The following KANSL2 variants were observed in gnomAD, a reference collection of about 807,000 sequenced individuals.
The protein encoded by KANSL2 is NSL complex protein NSL2.
In KANSL2, 34 loss-of-function variants were observed where a neutral mutation model predicts 55.6. That is an observed-to-expected ratio of 0.61 (90% CI 0.46 to 0.81). The LOEUF (loss-of-function observed/expected upper bound fraction) is 0.81, where lower values mean the gene tolerates loss of function less well. Among genes scored for constraint, KANSL2 ranks in the 40% least tolerant of loss-of-function variants. The probability of loss-of-function intolerance (pLI) is 0.00; values close to 1 mark genes in which losing one functional copy is unlikely to be tolerated. For synonymous variants in KANSL2, 209 were observed against 214.3 expected (o/e 0.98, Z 0.22); for missense variants, 502 against 609.9 (o/e 0.82, Z 1.86).
chr12:48,669,593 C>T (rs1373097038), intron 5 of KANSL2, among the ~76,000 whole-genome samples: 1 of 151,858 alleles, frequency 6.6e-6, no homozygotes, highest in East Asian at 1.9e-4. Context: ...TCTTGGCTCA[C>T]TGCAAGCTCC....
At chr12:48,665,859 T>C (rs1057373725) in intron 7 of KANSL2, among the ~76,000 whole-genome samples, 1 of 152,254 alleles carries the variant, frequency 6.6e-6, no homozygotes, top group South Asian at 2.1e-4. Context: ...AACTTCTAAT[T>C]TGAATGATGT....
At chr12:48,681,037 C>A (rs1195652371) in intron 2 of KANSL2, among the ~76,000 whole-genome samples, 1 of 149,354 alleles carries the variant, frequency 6.7e-6, no homozygotes, top group Non-Finnish European at 1.5e-5. Flanking sequence ...TCCCAGCACT[C>A]TGGGAGGCCG....
intron 4 of KANSL2, among the ~76,000 whole-genome samples, chr12:48,673,983 A>AT (rs1192561029): frequency 1.3e-5 from 2 of 152,098 alleles, no homozygotes; most frequent in African/African-American, 4.8e-5. Flanking sequence ...AAATAAGTGA[A>AT]TAACTTTGAA....
At chr12:48,672,241 T>G (rs762560798) in intron 4 of KANSL2, among the ~76,000 whole-genome samples, 50 of 151,926 alleles carry the variant, frequency 3.3e-4, no homozygotes, top group Non-Finnish European at 5.7e-4. Context: ...AAAGTGAACA[T>G]GCGGAACACT....
At chr12:48,657,701 C>T (rs1284776823) in intron 8 of KANSL2, among the ~76,000 whole-genome samples, 1 of 152,102 alleles carries the variant, frequency 6.6e-6, no homozygotes, top group Non-Finnish European at 1.5e-5. Context: ...ACTGCAACCT[C>T]CACCTCCTGG....
At chr12:48,674,874 C>G (rs931259844) in intron 4 of KANSL2, among the ~76,000 whole-genome samples, 1 of 151,268 alleles carries the variant, frequency 6.6e-6, no homozygotes, top group Non-Finnish European at 1.5e-5. Flanking sequence ...TACAGTGAGC[C>G]GAGATCGCAC....
At chr12:48,656,902 CTA>C (rs1939394856) in intron 8 of KANSL2, 2 of 339,730 alleles carry the variant, frequency 5.9e-6, no homozygotes, top group East Asian at 7.8e-5. Flanking sequence ...TTGTACCCCC[CTA>C]TGTTTAATCC....
intron 7 of KANSL2, among the ~76,000 whole-genome samples, chr12:48,663,986 C>T (rs909214317): frequency 1.5e-5 from 2 of 137,494 alleles, no homozygotes; most frequent in African/African-American, 2.7e-5. Flanking sequence ...GGCACGATAT[C>T]GGCTCACCGC....
rs773308487 is a variant in KANSL2, at chr12:48,655,064, GA to G, written c.1228-5del. On this transcript the variant is annotated splice_region_variant and splice_polypyrimidine_tract_variant and intron_variant, in intron 8 of 9. Transcript: ENST00000420613. ...CATCACCCACAACATCCAAGTCCTA[GA>G]AAAAAGAGAAAAGCCCATCAGCAAT... 5.1e-6 allele frequency: 8 copies of G among 1,562,628 alleles called. No homozygotes were observed. The South Asian group carries it at 7.1e-5, about 14-fold the overall frequency.
chr12:48,667,145 T>C (rs559732235), intron 7 of KANSL2, among the ~76,000 whole-genome samples: 7 of 147,258 alleles, frequency 4.8e-5, no homozygotes, highest in East Asian at 2.0e-4. Context: ...GATCACGCCA[T>C]TGCACTCCAG....
In KANSL2 at chr12:48,674,983, TAATAA is replaced by T. The variant is rs144872703; in HGVS notation, c.546-3026_546-3022del. Among the ~76,000 whole-genome samples the T allele has an allele frequency of 5.3e-3, 785 of 147,148 alleles. 3 individuals are homozygous for T. The highest frequency in any genetic ancestry group is 0.018 in the African/African-American group (724 of 40,466). Reference sequence around the variant, plus strand: ...TAAATAAATAAATAAAAATAATATATAATAAAATAAAATTAATAAAAAATAAATTT... The same window carrying T: ...TAAATAAATAAATAAAAATAATATATAATAAAATTAATAAAAAATAAATTT... On this transcript the variant is annotated intron_variant, in intron 4 of 9. Coordinates refer to ENST00000420613, the MANE Select transcript of KANSL2 (RefSeq NM_017822.4).
At chr12:48,669,571 G>A (rs978494451) in intron 5 of KANSL2, among the ~76,000 whole-genome samples, 2 of 151,122 alleles carry the variant, frequency 1.3e-5, no homozygotes, top group African/African-American at 2.4e-5. Flanking sequence ...AGGCTGGAGT[G>A]CAGTGGCGCA....
At chr12:48,659,125 C>A (rs2137177889) in intron 8 of KANSL2, among the ~76,000 whole-genome samples, 1 of 151,974 alleles carries the variant, frequency 6.6e-6, no homozygotes, top group Non-Finnish European at 1.5e-5. Flanking sequence ...GAAACCCTGT[C>A]TCTACAAAAA....
intron 4 of KANSL2, among the ~76,000 whole-genome samples, chr12:48,672,424 TATATA>T (rs1565608406): frequency 1.8e-5 from 2 of 112,460 alleles, no homozygotes; most frequent in African/African-American, 7.4e-5. Flanking sequence ...TATATATATA[TATATA>T]TATATTTTTT....
intron 2 of KANSL2, among the ~76,000 whole-genome samples, chr12:48,680,606 A>T (rs1310793318): frequency 1.3e-5 from 2 of 152,218 alleles, no homozygotes; most frequent in Non-Finnish European, 2.9e-5. Context: ...ACAGAAGAAT[A>T]CACACATATA....
chr12:48,667,909 T>C (rs947622185), intron 6 of KANSL2, 120 bp from the exon 7 acceptor site: 2 of 718,180 alleles, frequency 2.8e-6, no homozygotes, highest in East Asian at 2.7e-5. Flanking sequence ...TTAACAAAAA[T>C]AGATTCACCA....
rs1555155470 is a variant in KANSL2 at position 48,672,433 on chromosome 12, A to ATTTT, written c.546-475_546-472dup. Among the ~76,000 whole-genome samples, 1,048 of 120,336 alleles carry ATTTT rather than the reference A, an allele frequency of 8.7e-3. 31 individuals carry two copies. Among genetic ancestry groups the ATTTT allele is most frequent in the African/African-American group, 0.033 (916 of 27,598 alleles). 78.9% of individuals were successfully genotyped at this position (120,336 alleles called of 152,430 possible). ...CGTATATATATATATATATATATAT[A>ATTTT]TTTTTTTTTTGAGATAAGGTCTCAC... On this transcript the variant is annotated intron_variant, in intron 4 of 9. Coordinates refer to ENST00000420613, the MANE Select transcript of KANSL2 (RefSeq NM_017822.4).
intron 3 of KANSL2, 26 bp from the exon 4 acceptor site, chr12:48,679,176 A>T (rs199955655): frequency 2.0e-6 from 3 of 1,483,666 alleles, no homozygotes; most frequent in Non-Finnish European, 9.4e-7. Context: ...GAGAGCAGCC[A>T]TTAAGACTTC....
intron 8 of KANSL2, chr12:48,658,814 A>G (rs573694876): frequency 2.6e-5 from 4 of 152,352 alleles, no homozygotes; most frequent in African/African-American, 9.6e-5. Flanking sequence ...CTCCAAAACC[A>G]GCAATAGAGA....
Sources: gnomAD v4.1 joint callset for allele counts (sites outside exome capture counted in the v4.1 genomes callset) on GRCh38, gnomAD v4.1.1 for gene constraint, MANE v1.5 for transcripts, NCBI Gene and HGNC (gene_info 2026-07-23, HGNC 2026-07-21) for gene names.